Variants in PLAC8L1 observed in about 807,000 individuals in gnomAD.
PLAC8L1 encodes the protein PLAC8 like 1.
Under a neutral mutation model 16.3 loss-of-function variants are expected in PLAC8L1, and 13 were observed. The ratio of observed to expected loss-of-function variants is 0.80; its 90% confidence interval spans 0.52 to 1.27. The LOEUF is 1.27. Among genes scored for constraint, PLAC8L1 ranks in the 50% most tolerant of loss-of-function variants. The probability of loss-of-function intolerance (pLI) is 0.00; values close to 1 mark genes in which losing one functional copy is unlikely to be tolerated. For missense variants in PLAC8L1, 184 were observed against 220.2 expected, an observed-to-expected ratio of 0.84 and a Z score of 1.04; for synonymous variants, 78 against 79.3, an observed-to-expected ratio of 0.98 and a Z score of 0.09.
chr5:146,093,997 T>C (rs1763667246), intron 2 of PLAC8L1, among the ~76,000 whole-genome samples: 1 of 152,242 alleles, frequency 6.6e-6, no homozygotes, highest in African/African-American at 2.4e-5. Flanking sequence ...TTTCCTTTCA[T>C]AACACTCTGT....
intron 1 of PLAC8L1, chr5:146,103,783 A>G (rs1313621505): frequency 1.0e-6 from 1 of 985,250 alleles, no homozygotes; most frequent in African/African-American, 1.7e-5. Flanking sequence ...GGGGTGTTAC[A>G]TGTCACTCTT....
At position 146,104,424 on chromosome 5, in the gene PLAC8L1, T is replaced by C; in HGVS notation, c.-113A>G. ...AACATCTCTTGAAAGAATGTTCCCT[T>C]AATATTCTGGAACCTGAGGTCATAG... is the stretch of plus-strand genomic sequence containing the variant. On this transcript the variant is annotated 5_prime_UTR_variant, in exon 1 of 4. Coordinates refer to ENST00000311450, the MANE Select transcript of PLAC8L1 (RefSeq NM_001029869.3). 8.0e-6 allele frequency: 7 copies of C among 875,520 alleles called. No homozygotes were observed. In the South Asian group the frequency reaches 9.6e-5, roughly 12 times the overall value. The allele number at this position is 875,520 out of a possible 1,614,324, so 54.2% of individuals were successfully genotyped here.
At chr5:146,098,343 A>C in intron 1 of PLAC8L1, 51 bp from the exon 2 acceptor site, 1 of 1,585,390 alleles carries the variant, frequency 6.3e-7, no homozygotes, top group Non-Finnish European at 8.6e-7. Context: ...GTTTCAGAAC[A>C]ATAACCATTA....
chr5:146,092,318 A>G (rs369425307), intron 2 of PLAC8L1, among the ~76,000 whole-genome samples: 71 of 152,292 alleles, frequency 4.7e-4, no homozygotes, highest in Non-Finnish European at 7.6e-4. Flanking sequence ...GGCAACATCT[A>G]TCAATATTTA....
chr5:146,090,618 G>A (rs1763595534), intron 2 of PLAC8L1, among the ~76,000 whole-genome samples: 1 of 152,102 alleles, frequency 6.6e-6, no homozygotes, highest in Non-Finnish European at 1.5e-5. Flanking sequence ...AGAAGAAAAT[G>A]GGCATAGGAT....
At chr5:146,093,118 TC>T (rs375717330) in intron 2 of PLAC8L1, among the ~76,000 whole-genome samples, 139 of 151,914 alleles carry the variant, frequency 9.1e-4, no homozygotes, top group African/African-American at 3.0e-3. Context: ...TGCTGTTTTT[TC>T]TTTTATAGTT....
chr5:146,101,855 G>A (rs576549423), intron 1 of PLAC8L1, among the ~76,000 whole-genome samples: 6 of 152,198 alleles, frequency 3.9e-5, no homozygotes, highest in South Asian at 4.2e-4. Flanking sequence ...AGCTTCAATC[G>A]TCTTTTAGTA....
chr5:146,095,348 A>T (rs1763692596), intron 2 of PLAC8L1, among the ~76,000 whole-genome samples: 1 of 152,168 alleles, frequency 6.6e-6, no homozygotes, highest in Non-Finnish European at 1.5e-5. Context: ...CAAGTGGACA[A>T]CCAGGGAATC....
In PLAC8L1 at chr5:146,099,616, G is replaced by A. The variant is rs144132755; in HGVS notation, c.120-1324C>T. Among the ~76,000 whole-genome samples the A allele has an allele frequency of 1.2e-3, 172 of 139,530 alleles. 2 individuals carry two copies. The highest frequency in any genetic ancestry group is 4.6e-3 in the African/African-American group (167 of 36,240). The allele number at this position is 139,530 out of a possible 152,430, so 91.5% of individuals were successfully genotyped here. A position where few individuals can be genotyped will look rare whatever the true frequency, so the allele number is the denominator to read the frequency against. ...AGAGGTTGCAGCGAGCTGAGATCAC[G>A]CCACTGCACCCCAGCCTGGGTGACA... is the stretch of plus-strand genomic sequence containing the variant. On this transcript the variant is annotated intron_variant, in intron 1 of 3. Coordinates refer to ENST00000311450, the MANE Select transcript of PLAC8L1 (RefSeq NM_001029869.3).
chr5:146,104,141 A>G, intron 1 of PLAC8L1, 52 bp downstream of exon 1: 2 of 1,597,538 alleles, frequency 1.3e-6, no homozygotes, highest in African/African-American at 2.7e-5. Flanking sequence ...GGTTGATTCG[A>G]TAGTCCAACT....
At chr5:146,086,908 T>C (rs1048405638) in intron 2 of PLAC8L1, among the ~76,000 whole-genome samples, 9 of 152,192 alleles carry the variant, frequency 5.9e-5, no homozygotes, top group African/African-American at 1.9e-4. Context: ...AATTTATATA[T>C]AAGAAAATGC....
chr5:146,085,112 T>C (rs74994443), intron 3 of PLAC8L1, among the ~76,000 whole-genome samples: 1 of 151,514 alleles, frequency 6.6e-6, no homozygotes, highest in Non-Finnish European at 1.5e-5. Flanking sequence ...TTTTTTTTTT[T>C]CCACTTAAAA....
Position 146,104,722 on chromosome 5 carries a change from T to C in PLAC8L1, c.-411A>G, listed in dbSNP as rs6875971. The stretch of plus-strand genomic sequence containing the variant: ...GCAGCAGAGACCTCTCTTCATCCCC[T>C]GAACTGCTGGTCCAATTCAGCCAGA... On this transcript the variant is annotated 5_prime_UTR_variant, in exon 1 of 4. Transcript: ENST00000311450. 1,196 of 176,236 alleles carry C rather than the reference T, an allele frequency of 6.8e-3. 14 individuals carry two copies. Among genetic ancestry groups the C allele is most frequent in the African/African-American group, 0.027 (1,135 of 41,700 alleles). The allele number at this position is 176,236 out of a possible 1,614,324, so 10.9% of individuals were successfully genotyped here.
At chr5:146,093,299 T>C (rs896489426) in intron 2 of PLAC8L1, among the ~76,000 whole-genome samples, 1 of 152,134 alleles carries the variant, frequency 6.6e-6, no homozygotes, top group African/African-American at 2.4e-5. Context: ...AAGGATGGAG[T>C]ACTACTTGCT....
chr5:146,100,353 C>A (rs1433131718), intron 1 of PLAC8L1, among the ~76,000 whole-genome samples: 2 of 152,042 alleles, frequency 1.3e-5, no homozygotes, highest in South Asian at 2.1e-4. Context: ...TGAAATACCC[C>A]CAGCCCTTTT....
intron 2 of PLAC8L1, among the ~76,000 whole-genome samples, 183 bp from the exon 3 acceptor site, chr5:146,085,780 A>G (rs974626031): frequency 6.6e-6 from 1 of 152,220 alleles, no homozygotes; most frequent in Non-Finnish European, 1.5e-5. Context: ...ACTGAGCCAC[A>G]TCAAAATTGC....
chr5:146,103,686 T>C (rs1243820852), intron 1 of PLAC8L1: 1 of 985,216 alleles, frequency 1.0e-6, no homozygotes, highest in Non-Finnish European at 1.2e-6. Context: ...AGATACATAC[T>C]TTTCCCTCTT....
At chr5:146,097,842 C>T (rs1763742498) in intron 2 of PLAC8L1, among the ~76,000 whole-genome samples, 1 of 152,204 alleles carries the variant, frequency 6.6e-6, no homozygotes, top group Non-Finnish European at 1.5e-5. Context: ...GATTGCTAAA[C>T]CATCCCCCAG....
chr5:146,084,431 G>A lies in PLAC8L1; in HGVS notation c.*1C>T. The A allele has an allele frequency of 1.2e-6, 2 of 1,613,844 alleles. No individual in the cohort carries two copies. The highest frequency in any genetic ancestry group is 8.5e-7 in the Non-Finnish European group (1 of 1,179,776). On this transcript the variant is annotated 3_prime_UTR_variant, in exon 4 of 4. Transcript: ENST00000311450. The stretch of plus-strand genomic sequence containing the variant: ...AGTAAGGAGGAGGAGTTATCTTGCT[G>A]TCAAACCAGGGTGTCCTTAGTCATT...
Sources: gnomAD v4.1 joint callset for allele counts (sites outside exome capture counted in the v4.1 genomes callset) on GRCh38, gnomAD v4.1.1 for gene constraint, MANE v1.5 for transcripts, NCBI Gene and HGNC (gene_info 2026-07-23, HGNC 2026-07-21) for gene names.